NRXN3: variants seen among roughly 807,000 people sequenced by gnomAD.
NRXN3 encodes the protein neurexin 3, also known as neurexin III.
In NRXN3, 32 loss-of-function variants were observed where a neutral mutation model predicts 137.6. The ratio of observed to expected loss-of-function variants is 0.23; its 90% CI spans 0.18 to 0.31. NRXN3 has a LOEUF of 0.31. Among genes scored for constraint, NRXN3 ranks in the 10% least tolerant of loss-of-function variants. The probability of loss-of-function intolerance (pLI) is 1.00; values close to 1 mark genes in which losing one functional copy is unlikely to be tolerated. For missense variants in NRXN3, 1,574 were observed against 2,062.5 expected, an observed-to-expected ratio of 0.76 and a Z score of 4.59; for synonymous variants, 798 against 784.5, an observed-to-expected ratio of 1.02 and a Z score of -0.29.
intron 15 of NRXN3, among the ~76,000 whole-genome samples, chr14:79,295,283 T>C (rs532458757): frequency 6.6e-6 from 1 of 152,254 alleles, no homozygotes; most frequent in Non-Finnish European, 1.5e-5. Context: ...TGGCCACTCC[T>C]TCTTCTTATA....
chr14:78,809,301 T>G, intron 9 of NRXN3, among the ~76,000 whole-genome samples: 1 of 142,004 alleles, frequency 7.0e-6, no homozygotes, highest in Non-Finnish European at 1.5e-5. Context: ...ACCAAAAAAT[T>G]TTCTCTCCTC....
In NRXN3 at chr14:78,369,093, G is replaced by A. The variant is rs367730874; in HGVS notation, c.757+71233G>A. Reference sequence around the variant, plus strand: ...TTTCTGGATTAATCGCTTAATATGGGCATCTAAATTTATCTACCTGTGAAA... The same window carrying A: ...TTTCTGGATTAATCGCTTAATATGGACATCTAAATTTATCTACCTGTGAAA... On this transcript the variant is annotated intron_variant, in intron 4 of 20. Transcript: ENST00000335750. Among the ~76,000 whole-genome samples, 197 of 152,154 alleles carry A rather than the reference G, an allele frequency of 1.3e-3. 3 individuals are homozygous for A. In the South Asian group the frequency reaches 0.038, roughly 29 times the overall value.
At chr14:78,835,339 T>G (rs929335297) in intron 10 of NRXN3, among the ~76,000 whole-genome samples, 3 of 152,126 alleles carry the variant, frequency 2.0e-5, no homozygotes, top group African/African-American at 7.2e-5. Flanking sequence ...CTCCTGCAGT[T>G]GGTGGTGGCT....
intron 16 of NRXN3, among the ~76,000 whole-genome samples, chr14:79,482,873 C>G (rs191231547): frequency 6.6e-6 from 1 of 152,174 alleles, no homozygotes; most frequent in Non-Finnish European, 1.5e-5. Flanking sequence ...AAGATCACCC[C>G]TTATGGTAAC....
At chr14:78,513,221 T>C (rs530434677) in intron 4 of NRXN3, among the ~76,000 whole-genome samples, 40 of 152,332 alleles carry the variant, frequency 2.6e-4, no homozygotes, top group African/African-American at 9.4e-4. Context: ...ACAACTTCTC[T>C]AAGCCTTAAT....
intron 15 of NRXN3, among the ~76,000 whole-genome samples, chr14:79,375,970 G>A (rs1464392550): frequency 2.0e-5 from 3 of 149,904 alleles, no homozygotes; most frequent in Non-Finnish European, 4.4e-5. Flanking sequence ...GTATGAGCAT[G>A]GTTGAAAGAA....
chr14:78,989,820 G>A (rs947999373), intron 15 of NRXN3, among the ~76,000 whole-genome samples: 7 of 152,166 alleles, frequency 4.6e-5, no homozygotes, highest in African/African-American at 1.7e-4. Flanking sequence ...AAATGGTCAG[G>A]AAGAGACTCT....
intron 10 of NRXN3, among the ~76,000 whole-genome samples, chr14:78,945,156 A>G (rs2099362698): frequency 6.6e-6 from 1 of 152,174 alleles, no homozygotes; most frequent in Non-Finnish European, 1.5e-5. Context: ...CTTCCAAACT[A>G]CATGCTTCTA....
intron 15 of NRXN3, among the ~76,000 whole-genome samples, chr14:79,460,100 A>T (rs1016608529): frequency 3.9e-5 from 6 of 152,154 alleles, no homozygotes; most frequent in African/African-American, 1.4e-4. Flanking sequence ...GTCAAAACTC[A>T]TCAGTGTGTC....
intron 16 of NRXN3, among the ~76,000 whole-genome samples, chr14:79,551,838 T>TA (rs1312529551): frequency 1.3e-5 from 2 of 152,132 alleles, no homozygotes; most frequent in Non-Finnish European, 2.9e-5. Flanking sequence ...GCACAGCTCA[T>TA]AAAAAATGCA....
intron 19 of NRXN3, among the ~76,000 whole-genome samples, chr14:79,798,425 C>T (rs556150305): frequency 5.3e-4 from 80 of 152,280 alleles, no homozygotes; most frequent in African/African-American, 1.8e-3. Flanking sequence ...AAACAGCAAA[C>T]ATTTAAAGGA....
intron 8 of NRXN3, among the ~76,000 whole-genome samples, chr14:78,736,017 T>A (rs1208096800): frequency 6.6e-6 from 1 of 152,170 alleles, no homozygotes. Flanking sequence ...GACATTCTCA[T>A]GACACTTCAG....
At chr14:79,852,403 C>T (rs903498167) in intron 20 of NRXN3, among the ~76,000 whole-genome samples, 6 of 152,000 alleles carry the variant, frequency 3.9e-5, no homozygotes, top group African/African-American at 1.5e-4. Context: ...TCTTGCTGCC[C>T]CTAATCCTAG....
At chr14:78,837,544 C>T (rs2099000570) in intron 10 of NRXN3, among the ~76,000 whole-genome samples, 1 of 151,378 alleles carries the variant, frequency 6.6e-6, no homozygotes, top group Admixed American at 6.6e-5. Context: ...AGAATGCTCT[C>T]ATATGGTACT....
At chr14:79,600,716 A>C (rs907649153) in intron 16 of NRXN3, among the ~76,000 whole-genome samples, 7 of 152,134 alleles carry the variant, frequency 4.6e-5, no homozygotes, top group African/African-American at 1.7e-4. Flanking sequence ...GGCAACGCGA[A>C]ATACCAGGGG....
At chr14:78,833,872 A>G (rs1485223843) in intron 10 of NRXN3, among the ~76,000 whole-genome samples, 1 of 152,188 alleles carries the variant, frequency 6.6e-6, no homozygotes, top group African/African-American at 2.4e-5. Context: ...TTCATCTACT[A>G]TTTATTGAGC....
chr14:79,543,711 C>T (rs2097294719), intron 16 of NRXN3, among the ~76,000 whole-genome samples: 1 of 152,194 alleles, frequency 6.6e-6, no homozygotes. Context: ...AGGGACCAGA[C>T]AGGTAATATG....
At chr14:79,069,693 G>A (rs551660479) in intron 15 of NRXN3, among the ~76,000 whole-genome samples, 1 of 152,158 alleles carries the variant, frequency 6.6e-6, no homozygotes, top group East Asian at 1.9e-4. Flanking sequence ...TGACATTTGA[G>A]TCTCAAGATC....
chr14:79,513,042 A>G (rs2096947569), intron 16 of NRXN3, among the ~76,000 whole-genome samples: 1 of 152,250 alleles, frequency 6.6e-6, no homozygotes, highest in Non-Finnish European at 1.5e-5. Flanking sequence ...AAAATAGCAC[A>G]GTAGAAAAAC....
Sources: gnomAD v4.1 joint callset for allele counts (sites outside exome capture counted in the v4.1 genomes callset) on GRCh38, gnomAD v4.1.1 for gene constraint, MANE v1.5 for transcripts, NCBI Gene and HGNC (gene_info 2026-07-23, HGNC 2026-07-21) for gene names.